Variants in RAB29 observed in about 807,000 individuals in gnomAD.
The protein encoded by RAB29 is ras-related protein Rab-29.
In RAB29, 13 loss-of-function variants were observed where a neutral mutation model predicts 25.5. That is an observed-to-expected ratio of 0.51 (90% CI 0.33 to 0.81). The LOEUF (loss-of-function observed/expected upper bound fraction) is 0.81, where lower values mean the gene tolerates loss of function less well. RAB29 is among the 30% of genes least tolerant of loss of function. The pLI is 0.02. For synonymous variants in RAB29, 88 were observed against 95.0 expected, an observed-to-expected ratio of 0.93 and a Z score of 0.43; for missense variants, 201 against 254.9, an observed-to-expected ratio of 0.79 and a Z score of 1.44.
chr1:205,772,216 T>C (rs751013477), intron 3 of RAB29, among the ~76,000 whole-genome samples: 4 of 152,114 alleles, frequency 2.6e-5, no homozygotes, highest in East Asian at 1.9e-4. Context: ...GCCTTAAACC[T>C]AGAAAAAGCA....
chr1:205,771,403 GA>G, intron 4 of RAB29, 68 bp downstream of exon 4: 1 of 1,551,884 alleles, frequency 6.4e-7, no homozygotes, highest in Non-Finnish European at 8.9e-7. Flanking sequence ...CCCAGAATCA[GA>G]GAGCATTTTA....
At chr1:205,771,909 A>G (rs1339543423) in intron 3 of RAB29, among the ~76,000 whole-genome samples, 1 of 151,054 alleles carries the variant, frequency 6.6e-6, no homozygotes, top group Non-Finnish European at 1.5e-5. Flanking sequence ...TCAGTGCTTC[A>G]GATTTCTCAT....
rs1266336046 is a variant in RAB29, at chr1:205,768,863, A to T, written c.*1479T>A. Reference sequence around the variant, plus strand: ...GACCCAAAAATCTTAAAACATTTTTAAAAAATTTTAACAAACTTCCCAGGT... The same window carrying T: ...GACCCAAAAATCTTAAAACATTTTTTAAAAATTTTAACAAACTTCCCAGGT... On this transcript the variant is annotated 3_prime_UTR_variant, in exon 6 of 6. Coordinates refer to ENST00000367139, the MANE Select transcript of RAB29 (RefSeq NM_003929.3). 9 of 152,192 alleles carry T rather than the reference A, an allele frequency of 5.9e-5. No individual in the cohort carries two copies. The highest frequency in any genetic ancestry group is 1.2e-4 in the Non-Finnish European group (8 of 68,052). 9.4% of individuals were successfully genotyped at this position (152,192 alleles called of 1,614,324 possible).
Position 205,768,567 on chromosome 1 carries a change from C to T in RAB29, c.*1775G>A, listed in dbSNP as rs1654826698. ...TTTTTTTTGGAGATGGAGTTTCACTCTTGTTGCCCAGGCTGAAGCGCAATG... is the reference window on the plus strand; with the variant it reads ...TTTTTTTTGGAGATGGAGTTTCACTTTTGTTGCCCAGGCTGAAGCGCAATG... On this transcript the variant is annotated 3_prime_UTR_variant, in exon 6 of 6. Coordinates refer to ENST00000367139, the MANE Select transcript of RAB29 (RefSeq NM_003929.3). 2 of 148,454 alleles carry T rather than the reference C, an allele frequency of 1.3e-5. No individual in the cohort carries two copies. The highest frequency in any genetic ancestry group is 4.9e-5 in the African/African-American group (2 of 40,408). 9.2% of individuals were successfully genotyped at this position (148,454 alleles called of 1,614,324 possible).
chr1:205,774,792 T>TCCA, intron 2 of RAB29, 41 bp downstream of exon 2: 1 of 1,287,998 alleles, frequency 7.8e-7, no homozygotes, highest in African/African-American at 1.5e-5. Context: ...GGTCGGGGCC[T>TCCA]CCTCCTCCCC....
At chr1:205,771,355 A>G (rs1213367125) in intron 4 of RAB29, 117 bp downstream of exon 4, 1 of 1,128,480 alleles carries the variant, frequency 8.9e-7, no homozygotes, top group Non-Finnish European at 1.3e-6. Context: ...TGAAGGAGGT[A>G]GAGATGATTT....
At chr1:205,772,742 A>G (rs1655092195) in intron 2 of RAB29, among the ~76,000 whole-genome samples, 175 bp from the exon 3 acceptor site, 1 of 152,116 alleles carries the variant, frequency 6.6e-6, no homozygotes, top group African/African-American at 2.4e-5. Context: ...TTAGTGTGAG[A>G]TGGATGATTC....
rs112606738 is a variant in RAB29, at chr1:205,774,994, T to G, written c.-38A>C. 5,006 of 1,611,146 alleles carry G rather than the reference T, an allele frequency of 3.1e-3. 141 individuals are homozygous for G. The African/African-American group carries it at 0.059, about 19-fold the overall frequency. The stretch of plus-strand genomic sequence containing the variant: ...GTGCGTTTTAGGGAGGCGGGAAGTG[T>G]GGTCGGGGATCGGGGGTCGCTCGTT... On this transcript the variant is annotated 5_prime_UTR_variant, in exon 2 of 6. Coordinates refer to ENST00000367139, the MANE Select transcript of RAB29 (RefSeq NM_003929.3).
chr1:205,775,096 C>G lies in RAB29; in HGVS notation c.-130-10G>C, dbSNP rs911049671. ...CCACCGCCTGTCTGGGCTGCTCTGACGAGAAAGCAAAAAAGGAAACTTTGC... is the reference window on the plus strand; with the variant it reads ...CCACCGCCTGTCTGGGCTGCTCTGAGGAGAAAGCAAAAAAGGAAACTTTGC... On this transcript the variant is annotated splice_polypyrimidine_tract_variant and intron_variant, in intron 1 of 5. Transcript: ENST00000367139. 17 of 1,161,228 alleles carry G rather than the reference C, an allele frequency of 1.5e-5. No homozygotes were observed. In the African/African-American group the frequency reaches 2.0e-4, roughly 14 times the overall value. The allele number at this position is 1,161,228 out of a possible 1,614,324, so 71.9% of individuals were successfully genotyped here.
At chr1:205,770,696 G>A in intron 5 of RAB29, 37 bp downstream of exon 5, 1 of 1,613,370 alleles carries the variant, frequency 6.2e-7, no homozygotes, top group Non-Finnish European at 8.5e-7. Flanking sequence ...AGTGGAAGAT[G>A]GATACATCTG....
rs1486121068 is a variant in RAB29, at chr1:205,769,640, G to C, written c.*702C>G. On this transcript the variant is annotated 3_prime_UTR_variant, in exon 6 of 6. Coordinates refer to ENST00000367139, the MANE Select transcript of RAB29 (RefSeq NM_003929.3). ...GACGGGGTTTTGCCATGCTGACCAGGTTGGTCTCGAATTCCTGGCCTCATG... is the reference window on the plus strand; with the variant it reads ...GACGGGGTTTTGCCATGCTGACCAGCTTGGTCTCGAATTCCTGGCCTCATG... The C allele has an allele frequency of 6.5e-6, 1 of 152,690 alleles. No homozygotes were observed. The highest frequency in any genetic ancestry group is 1.5e-5 in the Non-Finnish European group (1 of 68,470). The allele number at this position is 152,690 out of a possible 1,614,324, so 9.5% of individuals were successfully genotyped here.
In RAB29 at chr1:205,771,468, A is replaced by G. The variant is rs182462289; in HGVS notation, c.378+4T>C. On this transcript the variant is annotated splice_donor_region_variant and intron_variant, in intron 4 of 5. Transcript: ENST00000367139. ...GGGACCATTTTCTGAGATTGGCCAC[A>G]TACCTTGTTGGCCAAGAGCAGGCAG... 1.2e-5 allele frequency: 19 copies of G among 1,613,562 alleles called. No individual in the cohort carries two copies. The highest frequency in any genetic ancestry group is 2.2e-5 in the East Asian group (1 of 44,902).
intron 2 of RAB29, among the ~76,000 whole-genome samples, chr1:205,773,834 TAA>T (rs772901372): frequency 6.6e-6 from 1 of 152,210 alleles, no homozygotes; most frequent in Non-Finnish European, 1.5e-5. Flanking sequence ...GAGAATGTTT[TAA>T]TTGCAATGTA....
At chr1:205,774,574 T>C (rs1404781216) in intron 2 of RAB29, among the ~76,000 whole-genome samples, 1 of 152,210 alleles carries the variant, frequency 6.6e-6, no homozygotes. Context: ...CCCTTCCCTA[T>C]TTCTCATCTT....
At chr1:205,773,703 C>A (rs1263476696) in intron 2 of RAB29, among the ~76,000 whole-genome samples, 1 of 152,066 alleles carries the variant, frequency 6.6e-6, no homozygotes, top group Non-Finnish European at 1.5e-5. Flanking sequence ...GGGGGTCTTG[C>A]CATGTTTCCC....
intron 2 of RAB29, among the ~76,000 whole-genome samples, chr1:205,774,417 A>C (rs1655190763): frequency 6.6e-6 from 1 of 152,196 alleles, no homozygotes; most frequent in Non-Finnish European, 1.5e-5. Flanking sequence ...GGGCAGGACT[A>C]CAGCCCCAGC....
At position 205,774,873 on chromosome 1, in the gene RAB29, G is replaced by A; in HGVS notation, c.84C>T (p.Ser28=). The A allele has an allele frequency of 1.9e-6, 3 of 1,613,688 alleles. No homozygotes were observed. The highest frequency in any genetic ancestry group is 2.5e-6 in the Non-Finnish European group (3 of 1,179,886). The change falls in exon 2 of 6, where the codon TCC becomes TCT. Residue 28 remains serine (S), a synonymous_variant. Transcript: ENST00000367139. ...TGTAGTGTTTGCTGAAGCTGTCCTGGGAATATCGCTGCACCAGCGACGTCT... is the reference window on the plus strand; with the variant it reads ...TGTAGTGTTTGCTGAAGCTGTCCTGAGAATATCGCTGCACCAGCGACGTCT... ...VGKTSLVQRY[S]QDSFSKHYKS... is the part of the protein sequence containing the mutation.
intron 3 of RAB29, 51 bp downstream of exon 3, chr1:205,772,445 T>C: frequency 6.4e-7 from 1 of 1,564,416 alleles, no homozygotes; most frequent in Non-Finnish European, 8.8e-7. Flanking sequence ...CAGAGCTTTC[T>C]AGTTAAATCA....
intron 4 of RAB29, 190 bp downstream of exon 4, chr1:205,771,282 G>A: frequency 1.5e-6 from 1 of 681,658 alleles, no homozygotes; most frequent in East Asian, 2.8e-5. Flanking sequence ...CTGAGCAACA[G>A]AGCGAGACTC....
Sources: gnomAD v4.1 joint callset for allele counts (sites outside exome capture counted in the v4.1 genomes callset) on GRCh38, gnomAD v4.1.1 for gene constraint, MANE v1.5 for transcripts, NCBI Gene and HGNC (gene_info 2026-07-23, HGNC 2026-07-21) for gene names.